Variants in KCNH7 observed in about 807,000 individuals in gnomAD.
The protein encoded by KCNH7 is voltage-gated inwardly rectifying potassium channel KCNH7.
In KCNH7, 49 loss-of-function variants were observed where a neutral mutation model predicts 120.8. The observed-to-expected ratio is 0.41, with a 90% CI of 0.32 to 0.51. The LOEUF (loss-of-function observed/expected upper bound fraction) is 0.51, where lower values mean the gene tolerates loss of function less well. KCNH7 is among the 20% of genes least tolerant of loss of function. The pLI is 0.38. For missense variants in KCNH7, 1,097 were observed against 1,446.6 expected, an observed-to-expected ratio of 0.76 and a Z score of 3.92; for synonymous variants, 547 against 516.1, an observed-to-expected ratio of 1.06 and a Z score of -0.81.
chr2:162,475,907 T>C (rs1333817141), intron 6 of KCNH7, among the ~76,000 whole-genome samples: 1 of 152,180 alleles, frequency 6.6e-6, no homozygotes, highest in East Asian at 1.9e-4. Context: ...CAGCTGGGCA[T>C]TGCTGGTGCT....
intron 2 of KCNH7, among the ~76,000 whole-genome samples, chr2:162,604,788 A>T (rs1028194168): frequency 2.0e-5 from 3 of 151,878 alleles, no homozygotes; most frequent in East Asian, 3.9e-4. Flanking sequence ...CCCTTTTTTC[A>T]TACTAAGGCC....
intron 2 of KCNH7, among the ~76,000 whole-genome samples, chr2:162,675,892 A>C (rs1327532143): frequency 6.6e-6 from 1 of 151,528 alleles, no homozygotes; most frequent in Non-Finnish European, 1.5e-5. Flanking sequence ...TGAAGGTGGC[A>C]TGCAAAATAT....
intron 6 of KCNH7, among the ~76,000 whole-genome samples, chr2:162,446,930 C>T (rs941967543): frequency 6.6e-6 from 1 of 152,004 alleles, no homozygotes; most frequent in Admixed American, 6.6e-5. Flanking sequence ...TTAAACCCAA[C>T]TCATTCAAAT....
intron 3 of KCNH7, among the ~76,000 whole-genome samples, chr2:162,529,820 T>G (rs1181585990): frequency 6.6e-6 from 1 of 151,942 alleles, no homozygotes; most frequent in East Asian, 2.0e-4. Flanking sequence ...TTCCATTTTT[T>G]AGACTGCAAA....
At chr2:162,649,648 T>A (rs1684498228) in intron 2 of KCNH7, among the ~76,000 whole-genome samples, 1 of 89,314 alleles carries the variant, frequency 1.1e-5, no homozygotes, top group Non-Finnish European at 1.9e-5. Flanking sequence ...CATTTCTGCA[T>A]GAAAGACTTC....
intron 3 of KCNH7, among the ~76,000 whole-genome samples, chr2:162,520,412 C>G (rs958551149): frequency 2.6e-5 from 4 of 151,670 alleles, no homozygotes; most frequent in African/African-American, 9.7e-5. Flanking sequence ...TGCTATCACT[C>G]TTCACATTTG....
At chr2:162,643,731 A>C (rs766697362) in intron 2 of KCNH7, among the ~76,000 whole-genome samples, 15 of 145,896 alleles carry the variant, frequency 1.0e-4, no homozygotes, top group Non-Finnish European at 2.2e-4. Context: ...GCTTGAACCC[A>C]GGAGGTGGAG....
intron 6 of KCNH7, among the ~76,000 whole-genome samples, chr2:162,490,947 A>G (rs573233552): frequency 1.3e-5 from 2 of 152,220 alleles, no homozygotes; most frequent in Non-Finnish European, 2.9e-5. Flanking sequence ...CAATGGCCAC[A>G]GGTATGCACT....
intron 6 of KCNH7, among the ~76,000 whole-genome samples, chr2:162,481,402 T>C (rs932246850): frequency 6.6e-6 from 1 of 152,138 alleles, no homozygotes; most frequent in African/African-American, 2.4e-5. Context: ...GTCAAGAACA[T>C]TGTCAGTATT....
At chr2:162,708,999 A>G (rs908984395) in intron 2 of KCNH7, among the ~76,000 whole-genome samples, 4 of 152,216 alleles carry the variant, frequency 2.6e-5, no homozygotes, top group Admixed American at 2.0e-4. Context: ...TATACAAATG[A>G]AAGAATCAAG....
At chr2:162,676,931 G>A (rs1685547915) in intron 2 of KCNH7, among the ~76,000 whole-genome samples, 1 of 151,302 alleles carries the variant, frequency 6.6e-6, no homozygotes, top group African/African-American at 2.4e-5. Flanking sequence ...AAAAAAATTT[G>A]CTAACTTAGC....
intron 3 of KCNH7, among the ~76,000 whole-genome samples, chr2:162,533,998 A>G (rs1345829606): frequency 6.6e-6 from 1 of 151,556 alleles, no homozygotes; most frequent in Non-Finnish European, 1.5e-5. Context: ...CAATAAAACC[A>G]GAAGTTTTTA....
chr2:162,774,808 C>T (rs981655817), intron 2 of KCNH7, among the ~76,000 whole-genome samples: 5 of 152,054 alleles, frequency 3.3e-5, no homozygotes, highest in African/African-American at 7.2e-5. Flanking sequence ...CCTTTGTTTA[C>T]GAATGTGTAT....
intron 2 of KCNH7, among the ~76,000 whole-genome samples, chr2:162,662,831 C>T (rs773681573): frequency 5.9e-5 from 9 of 152,044 alleles, no homozygotes; most frequent in African/African-American, 1.4e-4. Flanking sequence ...TTAATAAATG[C>T]CTGGCAATTA....
intron 2 of KCNH7, among the ~76,000 whole-genome samples, chr2:162,615,220 T>A (rs1476719325): frequency 6.6e-6 from 1 of 152,178 alleles, no homozygotes; most frequent in Non-Finnish European, 1.5e-5. Flanking sequence ...CTGTAGCCAA[T>A]CACGGAAGAT....
chr2:162,683,773 A>G (rs558084400), intron 2 of KCNH7, among the ~76,000 whole-genome samples: 50 of 152,196 alleles, frequency 3.3e-4, no homozygotes, highest in African/African-American at 1.1e-3. Context: ...TGAATGCCCA[A>G]AGTAATTTAT....
At chr2:162,717,103 G>A (rs1687148535) in intron 2 of KCNH7, among the ~76,000 whole-genome samples, 1 of 152,042 alleles carries the variant, frequency 6.6e-6, no homozygotes, top group Admixed American at 6.6e-5. Flanking sequence ...CTAATTACAA[G>A]GTAGAACTAA....
chr2:162,513,383 TTCTC>T (rs1231552013), intron 4 of KCNH7, among the ~76,000 whole-genome samples: 176 of 132,032 alleles, frequency 1.3e-3, no homozygotes, highest in East Asian at 3.0e-3. Flanking sequence ...CCTTCCTTCC[TTCTC>T]TCCTTCCCTC....
chr2:162,552,188 A>ATAACTACCT lies in KCNH7; in HGVS notation c.308-15117_308-15109dup, dbSNP rs1299447743. On this transcript the variant is annotated intron_variant, in intron 2 of 15. Coordinates refer to ENST00000332142, the MANE Select transcript of KCNH7 (RefSeq NM_033272.4). The stretch of plus-strand genomic sequence containing the variant: ...AGTGGAAACAGACTAAGAAGTCTCC[A>ATAACTACCT]TAACTACCTTGCTTACTGGCTCTGC... 2.6e-5 allele frequency among the ~76,000 whole-genome samples: 4 copies of ATAACTACCT among 152,354 alleles called. No homozygotes were observed. In the East Asian group the frequency reaches 7.7e-4, roughly 29 times the overall value.
Sources: gnomAD v4.1 joint callset for allele counts (sites outside exome capture counted in the v4.1 genomes callset) on GRCh38, gnomAD v4.1.1 for gene constraint, MANE v1.5 for transcripts, NCBI Gene and HGNC (gene_info 2026-07-23, HGNC 2026-07-21) for gene names.